CCDC85C: variants seen among roughly 807,000 people sequenced by gnomAD.
CCDC85C encodes the protein coiled-coil domain-containing protein 85C.
Under a neutral mutation model 38.3 loss-of-function variants are expected in CCDC85C, and 18 were observed. The ratio of observed to expected loss-of-function variants is 0.47; its 90% CI spans 0.33 to 0.70. The LOEUF is 0.70. Ranked by LOEUF, CCDC85C falls within the 30% of genes least tolerant of loss-of-function variation. The probability of loss-of-function intolerance (pLI) is 0.03; values close to 1 mark genes in which losing one functional copy is unlikely to be tolerated. For synonymous variants in CCDC85C, 264 were observed against 293.8 expected (o/e 0.90, Z 1.04); for missense variants, 566 against 621.2 (o/e 0.91, Z 0.94).
At chr14:99,599,352 G>C (rs2055175859) in intron 1 of CCDC85C, among the ~76,000 whole-genome samples, 1 of 152,184 alleles carries the variant, frequency 6.6e-6, no homozygotes, top group Non-Finnish European at 1.5e-5. Context: ...GGTTATCAGG[G>C]GAGGGAAGGA....
Position 99,603,656 on chromosome 14 carries a change from C to A in CCDC85C, c.304G>T (p.Ala102Ser). The change falls in exon 1 of 6, where the codon GCG becomes TCG. Residue 102 changes from alanine (A) to serine (S), a missense_variant. This residue lies in a region of CCDC85C where 269 missense variants were observed against 308.2 expected (regional missense o/e 0.87). Coordinates refer to ENST00000380243, the MANE Select transcript of CCDC85C (RefSeq NM_001144995.2). The surrounding 1 kb of genome is among the most constrained non-coding windows in gnomAD (Gnocchi z 7.5). ...CGCCCGAAGCGCTGCCACTCGCGCGCCAGCTTGCGCCCCTTCTGCCGGTCG... is the reference window on the plus strand; with the variant it reads ...CGCCCGAAGCGCTGCCACTCGCGCGACAGCTTGCGCCCCTTCTGCCGGTCG... ...DDDRQKGRKL[A>S]REWQRFGRHA... The A allele has an allele frequency of 6.8e-7, 1 of 1,480,220 alleles. No homozygotes were observed. The highest frequency in any genetic ancestry group is 9.0e-7 in the Non-Finnish European group (1 of 1,115,976). 91.7% of individuals were successfully genotyped at this position (1,480,220 alleles called of 1,614,324 possible).
At chr14:99,602,958 G>C (rs1257156132) in intron 1 of CCDC85C, among the ~76,000 whole-genome samples, 2 of 152,156 alleles carry the variant, frequency 1.3e-5, no homozygotes. Context: ...TGGACAAAAA[G>C]ACGCTCCACC....
intron 5 of CCDC85C, among the ~76,000 whole-genome samples, chr14:99,515,577 T>C (rs1302371018): frequency 1.3e-5 from 2 of 152,076 alleles, no homozygotes; most frequent in African/African-American, 4.8e-5. Flanking sequence ...TCCAGTGGGG[T>C]CCACAGGCCC....
At chr14:99,549,876 G>A (rs774441124) in intron 1 of CCDC85C, among the ~76,000 whole-genome samples, 14 of 152,226 alleles carry the variant, frequency 9.2e-5, no homozygotes, top group Non-Finnish European at 1.3e-4. Context: ...CGCAGGGCAT[G>A]TTGCAAGAGG....
At chr14:99,574,430 CGCTCCCCTCACCCTCCCACAT>C (rs936255273) in intron 1 of CCDC85C, among the ~76,000 whole-genome samples, 1 of 152,220 alleles carries the variant, frequency 6.6e-6, no homozygotes, top group African/African-American at 2.4e-5. Flanking sequence ...ACACCCCATA[CGCTCCCCTCACCCTCCCACAT>C]GCTCCCCTCA....
chr14:99,560,313 G>C (rs1462901473), intron 1 of CCDC85C, among the ~76,000 whole-genome samples: 1 of 152,204 alleles, frequency 6.6e-6, no homozygotes, highest in Non-Finnish European at 1.5e-5. Flanking sequence ...GGGAGGGTCT[G>C]GGCCGGGAGA....
chr14:99,523,487 G>C (rs10135793), intron 2 of CCDC85C, among the ~76,000 whole-genome samples: 132,942 of 152,248 alleles, frequency 0.87, 60,192 homozygotes, highest in East Asian at 1. Context: ...GTCCTGCGGG[G>C]GTGAGGAGGC....
At chr14:99,546,300 A>G (rs1020681326) in intron 1 of CCDC85C, among the ~76,000 whole-genome samples, 20 of 152,002 alleles carry the variant, frequency 1.3e-4, no homozygotes, top group African/African-American at 4.1e-4. Flanking sequence ...TAGTAAGAAC[A>G]GTGGGGAGGC....
intron 2 of CCDC85C, chr14:99,522,817 T>C (rs9788579): frequency 0.87 from 133,290 of 152,560 alleles, 60,373 homozygotes; most frequent in East Asian, 1. Flanking sequence ...GCTGTGGGGT[T>C]GTAACTAACT....
In CCDC85C at chr14:99,577,769, C is replaced by G. The variant is rs569267655; in HGVS notation, c.793+25398G>C. 5.5e-5 allele frequency among the ~76,000 whole-genome samples: 8 copies of G among 145,652 alleles called. No homozygotes were observed. In the South Asian group the frequency reaches 1.8e-3, roughly 32 times the overall value. On this transcript the variant is annotated intron_variant, in intron 1 of 5. Transcript: ENST00000380243. ...GTGTGTGTGTACACATCTCCACACCCATACAGCCCGTCCTGTATCCCCCAT... is the reference window on the plus strand; with the variant it reads ...GTGTGTGTGTACACATCTCCACACCGATACAGCCCGTCCTGTATCCCCCAT...
At chr14:99,600,790 CCAGA>C (rs1233880584) in intron 1 of CCDC85C, among the ~76,000 whole-genome samples, 2 of 152,212 alleles carry the variant, frequency 1.3e-5, no homozygotes, top group Middle Eastern at 3.2e-3. Flanking sequence ...TAGACACCAC[CCAGA>C]CAGAGACTCA....
chr14:99,569,875 T>C lies in CCDC85C; in HGVS notation c.793+33292A>G, dbSNP rs1898300452. 6.6e-6 allele frequency among the ~76,000 whole-genome samples: 1 copy of C among 151,582 alleles called. No individual in the cohort carries two copies. The highest frequency in any genetic ancestry group is 1.5e-5 in the Non-Finnish European group (1 of 67,894). ...ACTTTGGGAAGCTGAGGCGGGAGGA[T>C]AGCATGAGCCCAGGAGGTCAAGGCT... On this transcript the variant is annotated intron_variant, in intron 1 of 5. Transcript: ENST00000380243. This position sits in a 1 kb window ranked among gnomAD's most constrained non-coding sequence, Gnocchi z 4.3.
At chr14:99,574,648 G>C (rs537287765) in intron 1 of CCDC85C, among the ~76,000 whole-genome samples, 98 of 152,324 alleles carry the variant, frequency 6.4e-4, no homozygotes, top group Non-Finnish European at 9.6e-4. Flanking sequence ...GGAGAGGAGA[G>C]GCAGTGGTGC....
chr14:99,522,270 CGGAG>C (rs1273496118), intron 2 of CCDC85C, 30 bp from the exon 3 acceptor site: 2 of 1,503,446 alleles, frequency 1.3e-6, no homozygotes, highest in African/African-American at 1.4e-5. Flanking sequence ...AGGGGTTAGA[CGGAG>C]GGCCAGGCTG....
At position 99,558,109 on chromosome 14, in the gene CCDC85C, C is replaced by T. The variant is rs1478819427; in HGVS notation, c.794-22021G>A. Among the ~76,000 whole-genome samples the T allele has an allele frequency of 1.3e-5, 2 of 152,144 alleles. No individual in the cohort carries two copies. The highest frequency in any genetic ancestry group is 3.8e-4 in the East Asian group (2 of 5,206). ...CGATTCTGGAAAAACCTGGACAAAC[C>T]TCCACAGTTTCTCAGGGTCTCCTTG... On this transcript the variant is annotated intron_variant, in intron 1 of 5. Transcript: ENST00000380243. This position sits in a 1 kb window ranked among gnomAD's most constrained non-coding sequence, Gnocchi z 4.2.
Position 99,589,262 on chromosome 14 carries a change from G to A in CCDC85C, c.793+13905C>T, listed in dbSNP as rs539103286. ...CAGGCAGGGGGGAGCACACAGCCACGGCCCAGATCCGCCAGACAACAGACA... is the reference window on the plus strand; with the variant it reads ...CAGGCAGGGGGGAGCACACAGCCACAGCCCAGATCCGCCAGACAACAGACA... On this transcript the variant is annotated intron_variant, in intron 1 of 5. Coordinates refer to ENST00000380243, the MANE Select transcript of CCDC85C (RefSeq NM_001144995.2). 9.9e-5 allele frequency among the ~76,000 whole-genome samples: 15 copies of A among 152,266 alleles called. No homozygotes were observed. In the South Asian group the frequency reaches 1.7e-3, roughly 17 times the overall value.
intron 1 of CCDC85C, among the ~76,000 whole-genome samples, chr14:99,585,348 G>A (rs1448658888): frequency 6.6e-6 from 1 of 152,228 alleles, no homozygotes; most frequent in African/African-American, 2.4e-5. Flanking sequence ...AGAGAGCACA[G>A]AGAGGTGGTG....
intron 1 of CCDC85C, among the ~76,000 whole-genome samples, chr14:99,571,898 G>A (rs943804048): frequency 6.6e-6 from 1 of 152,182 alleles, no homozygotes; most frequent in South Asian, 2.1e-4. Context: ...GCACATGGGT[G>A]GCCTGGGACA....
Position 99,504,014 on chromosome 14 carries a change from C to T in CCDC85C, c.*11232G>A. The T allele has an allele frequency of 2.8e-6, 1 of 360,714 alleles. No homozygotes were observed. Among genetic ancestry groups the T allele is most frequent in the South Asian group, 2.1e-5 (1 of 47,148 alleles). 22.3% of individuals were successfully genotyped at this position (360,714 alleles called of 1,614,324 possible). ...CCAAGCCACAGCAGATGCGGGGGGG[C>T]AGTAGGGGGTGGTGTGCTGCCCGGA... On this transcript the variant is annotated 3_prime_UTR_variant, in exon 6 of 6. Coordinates refer to ENST00000380243, the MANE Select transcript of CCDC85C (RefSeq NM_001144995.2).
Sources: allele counts gnomAD v4.1 joint callset (sites outside exome capture counted in the v4.1 genomes callset), GRCh38; gene constraint gnomAD v4.1.1; regional missense constraint gnomAD v4.1.1; non-coding constraint Gnocchi (gnomAD v3.1); transcripts MANE v1.5; gene names NCBI Gene and HGNC (gene_info 2026-07-23, HGNC 2026-07-21).